PUDP: variants seen among roughly 807,000 people sequenced by gnomAD.
PUDP encodes the protein pseudouridine 5'-phosphatase, also known as pseudouridine-5'-phosphatase.
In PUDP, 8 loss-of-function variants were observed where a neutral mutation model predicts 9.4. The ratio of observed to expected loss-of-function variants is 0.85; its 90% CI spans 0.50 to 1.53. The LOEUF is 1.53. Among genes scored for constraint, PUDP ranks in the 40% most tolerant of loss-of-function variants. The pLI is 0.00. For synonymous variants in PUDP, 99 were observed against 80.7 expected, an observed-to-expected ratio of 1.23 and a Z score of -1.22; for missense variants, 188 against 189.7, an observed-to-expected ratio of 0.99 and a Z score of 0.05.
At chrX:6,813,806 GAT>G (rs1265305263) in intron 3 of PUDP, among the ~76,000 whole-genome samples, 1 of 111,500 alleles carries the variant, frequency 9.0e-6, no homozygotes, top group Non-Finnish European at 1.9e-5. Context: ...CTTGTCAGGA[GAT>G]TCATGACTTA....
intron 3 of PUDP, among the ~76,000 whole-genome samples, chrX:6,813,205 T>C (rs1329592262): frequency 2.8e-5 from 3 of 107,048 alleles, no homozygotes; most frequent in Non-Finnish European, 5.8e-5. Context: ...GAAGAGAAAA[T>C]AAAAGAAAAG....
At chrX:6,764,799 A>G (rs1925264845) in intron 3 of PUDP, among the ~76,000 whole-genome samples, 2 of 112,127 alleles carry the variant, frequency 1.8e-5, no homozygotes, top group African/African-American at 6.5e-5. Context: ...GAAATCCACA[A>G]GGAACATACT....
At chrX:6,816,828 CTATATAG>C (rs2146704435) in intron 3 of PUDP, among the ~76,000 whole-genome samples, 1 of 92,714 alleles carries the variant, frequency 1.1e-5, no homozygotes, top group South Asian at 4.7e-4. Flanking sequence ...ACAGTATATA[CTATATAG>C]TATATACAAT....
chrX:6,824,046 T>C (rs1035690081), intron 3 of PUDP, among the ~76,000 whole-genome samples: 3 of 110,804 alleles, frequency 2.7e-5, no homozygotes, highest in Non-Finnish European at 3.8e-5. Context: ...TTTGGCTGTG[T>C]CTCCACATAA....
At chrX:6,889,126 A>G in intron 3 of PUDP, among the ~76,000 whole-genome samples, 2 of 112,110 alleles carry the variant, frequency 1.8e-5, no homozygotes, top group Middle Eastern at 4.6e-3. Flanking sequence ...TTCTCCGTAC[A>G]AGGCAGTGCT....
At chrX:7,029,515 T>C (rs1929764777) in intron 1 of PUDP, among the ~76,000 whole-genome samples, 3 of 112,464 alleles carry the variant, frequency 2.7e-5, no homozygotes, top group Non-Finnish European at 3.8e-5. Context: ...ATTCCCCAAG[T>C]CCAAGGTGAT....
At chrX:7,021,523 T>C (rs1271134189) in intron 1 of PUDP, among the ~76,000 whole-genome samples, 3 of 112,148 alleles carry the variant, frequency 2.7e-5, no homozygotes, top group African/African-American at 9.7e-5. Context: ...GGTTAAACCG[T>C]GATGCTTTGA....
chrX:7,100,197 T>C (rs1931692802), intron 2 of PUDP, among the ~76,000 whole-genome samples: 1 of 108,392 alleles, frequency 9.2e-6, no homozygotes, highest in African/African-American at 3.4e-5. Flanking sequence ...TCCCTGGTTA[T>C]TGGCCCAGGT....
intron 1 of PUDP, among the ~76,000 whole-genome samples, chrX:7,116,748 A>G (rs1410571160): frequency 1.8e-5 from 2 of 111,972 alleles, no homozygotes; most frequent in Non-Finnish European, 3.8e-5. Flanking sequence ...CCCAAATCTC[A>G]TGCTGAATTG....
Position 7,024,501 on chromosome X carries a change from G to A in PUDP, c.205-46158C>T, listed in dbSNP as rs751595107. Among the ~76,000 whole-genome samples, 9 of 109,339 alleles carry A rather than the reference G, an allele frequency of 8.2e-5. No individual in the cohort carries two copies. In the South Asian group the frequency reaches 3.1e-3, roughly 38 times the overall value. The allele number at this position is 109,339 out of a possible 115,157, so 94.9% of individuals were successfully genotyped here. A position where few individuals can be genotyped will look rare whatever the true frequency, so the allele number is the denominator to read the frequency against. On this transcript the variant is annotated intron_variant and NMD_transcript_variant, in intron 1 of 3. Coordinates refer to the PUDP transcript ENST00000655425. ...TTTTAGTTTGACAATATTCAATATT[G>A]TGGGTAACACTGATTGGTCTTCAAA... is the stretch of plus-strand genomic sequence containing the variant.
At chrX:6,748,862 C>G (rs5948748) in intron 3 of PUDP, among the ~76,000 whole-genome samples, 18,555 of 111,300 alleles carry the variant, frequency 0.17, 1,482 homozygotes, top group Non-Finnish European at 0.25. Context: ...TGGAAACATA[C>G]TGATGGATGA....
intron 1 of PUDP, among the ~76,000 whole-genome samples, chrX:7,130,114 G>A (rs1451087354): frequency 9.0e-6 from 1 of 111,528 alleles, no homozygotes; most frequent in Non-Finnish European, 1.9e-5. Flanking sequence ...CAGGAAGGAG[G>A]ACTGGGCCCT....
intron 3 of PUDP, among the ~76,000 whole-genome samples, chrX:6,969,162 G>A (rs1928833215): frequency 8.9e-6 from 1 of 112,483 alleles, no homozygotes. Context: ...GGGTGTGAAT[G>A]ACTCCCAAAC....
At position 7,024,659 on chromosome X, in the gene PUDP, T is replaced by A. The variant is rs1438968479; in HGVS notation, c.205-46316A>T. 2.8e-4 allele frequency among the ~76,000 whole-genome samples: 30 copies of A among 105,790 alleles called. No homozygotes were observed. The Admixed American group carries it at 2.9e-3, about 10-fold the overall frequency. 91.9% of individuals were successfully genotyped at this position (105,790 alleles called of 115,157 possible). A position where few individuals can be genotyped will look rare whatever the true frequency, so the allele number is the denominator to read the frequency against. On this transcript the variant is annotated intron_variant and NMD_transcript_variant, in intron 1 of 3. Transcript: ENST00000655425. ...TGGAGTGCAGTGGTGCGATCTCAGC[T>A]CACTGCAAGGTCCGCCTTCCGGGTT...
intron 3 of PUDP, among the ~76,000 whole-genome samples, chrX:6,852,803 G>A (rs765206436): frequency 3.6e-5 from 4 of 111,482 alleles, no homozygotes; most frequent in Non-Finnish European, 3.8e-5. Flanking sequence ...GGTATCACCC[G>A]GAGTTCTTTG....
chrX:6,750,400 TG>T (rs1569091605), intron 3 of PUDP, among the ~76,000 whole-genome samples: 29 of 111,127 alleles, frequency 2.6e-4, no homozygotes, highest in Non-Finnish European at 4.5e-4. Flanking sequence ...TGTGTGTGTG[TG>T]TGTCTGTGTG....
intron 3 of PUDP, among the ~76,000 whole-genome samples, chrX:6,753,625 G>A (rs746015112): frequency 2.7e-5 from 3 of 111,670 alleles, no homozygotes; most frequent in South Asian, 3.8e-4. Flanking sequence ...CTGCATCCAC[G>A]CCAATATCTA....
At chrX:6,752,669 G>A (rs1410308016) in intron 3 of PUDP, among the ~76,000 whole-genome samples, 1 of 111,478 alleles carries the variant, frequency 9.0e-6, no homozygotes, top group Non-Finnish European at 1.9e-5. Flanking sequence ...TGATGCTTTG[G>A]ATATAAGAAA....
At chrX:7,036,957 T>C (rs1298092845) in intron 1 of PUDP, among the ~76,000 whole-genome samples, 1 of 112,399 alleles carries the variant, frequency 8.9e-6, no homozygotes, top group Non-Finnish European at 1.9e-5. Flanking sequence ...TAGAAATAAC[T>C]TTGTTCACGG....
Sources: gnomAD v4.1 joint callset for allele counts (sites outside exome capture counted in the v4.1 genomes callset) on GRCh38, gnomAD v4.1.1 for gene constraint, MANE v1.5 for transcripts, NCBI Gene and HGNC (gene_info 2026-07-23, HGNC 2026-07-21) for gene names.